Variants in GRIN2D observed in about 807,000 individuals in gnomAD.
GRIN2D encodes the protein glutamate receptor ionotropic, NMDA 2D.
Under a neutral mutation model 103.2 loss-of-function variants are expected in GRIN2D, and 37 were observed. The observed-to-expected ratio is 0.36, with a 90% confidence interval of 0.28 to 0.47. The LOEUF is 0.47. Among genes scored for constraint, GRIN2D ranks in the 20% least tolerant of loss-of-function variants. The pLI is 1.00. For missense variants in GRIN2D, 1,557 were observed against 1,910.6 expected (o/e 0.81, Z 3.45); for synonymous variants, 845 against 885.6 (o/e 0.95, Z 0.81).
Position 48,443,873 on chromosome 19 carries a change from G to A in GRIN2D, c.3947G>A (p.Arg1316Gln), listed in dbSNP as rs544435291. The change falls in exon 14 of 14, where the codon CGG (arginine) becomes CAG (glutamine). Residue 1316 changes from arginine to glutamine, a missense_variant. Around this residue, in one of 7 missense-constraint regions of GRIN2D, gnomAD observed 88 missense variants for 84.3 expected, o/e 1.04. Transcript: ENST00000263269. The surrounding 1 kb of genome is among the most constrained non-coding windows in gnomAD (Gnocchi z 8.9). ...PLPTASHRRH[R>Q]GGDLGTRRGS... ...CCCACAGCTTCCCACCGGAGACACC[G>A]GGGCGGGGACCTGGGCACCCGCAGG... is the stretch of plus-strand genomic sequence containing the variant. The A allele has an allele frequency of 4.1e-6, 6 of 1,478,728 alleles. No homozygotes were observed. Among genetic ancestry groups the A allele is most frequent in the African/African-American group, 2.9e-5 (2 of 68,142 alleles). The allele number at this position is 1,478,728 out of a possible 1,614,324, so 91.6% of individuals were successfully genotyped here. A position where few individuals can be genotyped will look rare whatever the true frequency, so the allele number is the denominator to read the frequency against.
rs1246986089 is a variant in GRIN2D, at chr19:48,414,887, C to T, written c.1436C>T (p.Pro479Leu). ...AGCCCTCCACCGGATGCCCCCCGCC[C>T]GGAAAAGCGCTGCTGCAAGGGTTTC... ...THSPPPDAPR[P>L]EKRCCKGFCI... is the part of the protein sequence containing the mutation. The change falls in exon 7 of 14, where the codon CCG becomes CTG. Residue 479 changes from proline to leucine, a missense_variant. Physicochemically the swap from Pro to Leu is moderately conservative, Grantham distance 98 (BLOSUM62 -3). Transcript: ENST00000263269. The surrounding 1 kb of genome is among the most constrained non-coding windows in gnomAD (Gnocchi z 4.6). 4 of 1,614,154 alleles carry T rather than the reference C, an allele frequency of 2.5e-6. No homozygotes were observed. The highest frequency in any genetic ancestry group is 1.7e-5 in the Admixed American group (1 of 60,008).
intron 11 of GRIN2D, among the ~76,000 whole-genome samples, chr19:48,427,412 T>TTAAG (rs759755845): frequency 2.2e-4 from 33 of 152,090 alleles, no homozygotes; most frequent in South Asian, 1.0e-3. Flanking sequence ...AGAGTTCTAC[T>TTAAG]TGTTCCATAT....
intron 11 of GRIN2D, among the ~76,000 whole-genome samples, chr19:48,441,362 C>CAAAAAAAAAAA (rs1173219939): frequency 3.1e-5 from 4 of 127,322 alleles, no homozygotes; most frequent in African/African-American, 1.3e-4. Flanking sequence ...GACTCTGTCT[C>CAAAAAAAAAAA]AAAAAAAAAA....
At chr19:48,399,025 A>G (rs1427537852) in intron 3 of GRIN2D, among the ~76,000 whole-genome samples, 168 bp downstream of exon 3, 1 of 152,104 alleles carries the variant, frequency 6.6e-6, no homozygotes, top group Non-Finnish European at 1.5e-5. Context: ...TTAGGGCTAG[A>G]TTAGAGGCGG....
chr19:48,435,871 C>T (rs184825213), intron 11 of GRIN2D, among the ~76,000 whole-genome samples: 30 of 152,320 alleles, frequency 2.0e-4, no homozygotes, highest in Admixed American at 1.4e-3. Flanking sequence ...TGAAGGGAGA[C>T]GTGCAATGCA....
At chr19:48,428,771 G>A (rs1029846317) in intron 11 of GRIN2D, among the ~76,000 whole-genome samples, 1 of 152,110 alleles carries the variant, frequency 6.6e-6, no homozygotes, top group Non-Finnish European at 1.5e-5. Context: ...AAATAAGGTC[G>A]CATTCTGAAG....
chr19:48,416,767 G>A (rs1309906344), intron 8 of GRIN2D, among the ~76,000 whole-genome samples: 1 of 146,286 alleles, frequency 6.8e-6, no homozygotes, highest in Non-Finnish European at 1.5e-5. Context: ...TTCAGACAGA[G>A]TCTCACTCTG....
rs746558969 is a variant in GRIN2D, at chr19:48,405,244, G to A, written c.976G>A (p.Val326Ile). 8.1e-6 allele frequency: 13 copies of A among 1,597,170 alleles called. No individual in the cohort carries two copies. The highest frequency in any genetic ancestry group is 2.3e-5 in the East Asian group (1 of 44,430). ...TCGGCGAGTGGCAGCTGGCGTGGCC[G>A]TAGTGGCCAGAGGTGCCCAGGCCCT... ...LARRVAAGVA[V>I]VARGAQALLR... The change falls in exon 4 of 14, where the codon GTA becomes ATA. Residue 326 changes from valine to isoleucine, a missense_variant. This residue lies in a region of GRIN2D where 490 missense variants were observed against 601.1 expected (regional missense o/e 0.82). Transcript: ENST00000263269. The surrounding 1 kb of genome is among the most constrained non-coding windows in gnomAD (Gnocchi z 5.1).
In GRIN2D at chr19:48,405,373, G is replaced by A; in HGVS notation, c.1085+20G>A. 6.5e-7 allele frequency: 1 copy of A among 1,532,852 alleles called. No individual in the cohort carries two copies. Among genetic ancestry groups the A allele is most frequent in the Admixed American group, 1.8e-5 (1 of 54,546 alleles). The allele number at this position is 1,532,852 out of a possible 1,614,324, so 95.0% of individuals were successfully genotyped here. A position where few individuals can be genotyped will look rare whatever the true frequency, so the allele number is the denominator to read the frequency against. On this transcript the variant is annotated intron_variant, in intron 4 of 13. Coordinates refer to ENST00000263269, the MANE Select transcript of GRIN2D (RefSeq NM_000836.4). The surrounding 1 kb of genome is among the most constrained non-coding windows in gnomAD (Gnocchi z 5.1). ...GCATAGGTGAGTGGGGCTGGAATGG[G>A]AGGGGTGTGGGAGGGCTCCCAGAGC...
chr19:48,441,839 C>T lies in GRIN2D; in HGVS notation c.2323C>T (p.Leu775Phe), dbSNP rs763528141. ...YMARKDEGCK[L>F]VTIGSGKVFA... ...GGCCCGCAAGGACGAGGGCTGCAAG[C>T]TTGTCACCATCGGCTCCGGCAAGGT... Residue 775 changes from leucine (L) to phenylalanine (F), a missense_variant, in exon 12 of 14, where the codon CTT (leucine) becomes TTT (phenylalanine). Leu to Phe is a conservative substitution (Grantham distance 22, BLOSUM62 0). Coordinates refer to ENST00000263269, the MANE Select transcript of GRIN2D (RefSeq NM_000836.4). 3.7e-6 allele frequency: 6 copies of T among 1,614,012 alleles called. No individual in the cohort carries two copies. The highest frequency in any genetic ancestry group is 4.2e-6 in the Non-Finnish European group (5 of 1,180,022).
chr19:48,428,735 A>G (rs1569069253), intron 11 of GRIN2D, among the ~76,000 whole-genome samples: 1 of 152,098 alleles, frequency 6.6e-6, no homozygotes, highest in Non-Finnish European at 1.5e-5. Context: ...TTTTAACTGG[A>G]TTCCCTCTGC....
intron 11 of GRIN2D, among the ~76,000 whole-genome samples, chr19:48,423,615 G>A (rs1971049642): frequency 6.6e-6 from 1 of 152,044 alleles, no homozygotes; most frequent in African/African-American, 2.4e-5. Flanking sequence ...AGTGTGCAAA[G>A]GGCCTGAGGA....
intron 2 of GRIN2D, among the ~76,000 whole-genome samples, chr19:48,397,288 CTT>C (rs974165739): frequency 2.6e-5 from 4 of 152,088 alleles, no homozygotes; most frequent in African/African-American, 7.2e-5. Flanking sequence ...TAATTTCTCT[CTT>C]TCTCTCCCCA....
In GRIN2D at chr19:48,443,713, C is replaced by T. The variant is rs1164047907; in HGVS notation, c.3787C>T (p.Pro1263Ser). 4 of 1,313,762 alleles carry T rather than the reference C, an allele frequency of 3.0e-6. No homozygotes were observed. Among genetic ancestry groups the T allele is most frequent in the Non-Finnish European group, 3.9e-6 (4 of 1,033,962 alleles). 81.4% of individuals were successfully genotyped at this position (1,313,762 alleles called of 1,614,324 possible). A position where few individuals can be genotyped will look rare whatever the true frequency, so the allele number is the denominator to read the frequency against. The change falls in exon 14 of 14, where the codon CCG becomes TCG. Residue 1263 changes from proline to serine, a missense_variant. Pro to Ser is a moderately conservative substitution (Grantham distance 74, BLOSUM62 -1). Coordinates refer to ENST00000263269, the MANE Select transcript of GRIN2D (RefSeq NM_000836.4). This position sits in a 1 kb window ranked among gnomAD's most constrained non-coding sequence, Gnocchi z 8.9. Reference sequence around the variant, plus strand: ...GCGCGCCGCTGGGGGCTGGGACCTCCCGCCGCCCGCGCCCACCTCGCGCTC... The same window carrying T: ...GCGCGCCGCTGGGGGCTGGGACCTCTCGCCGCCCGCGCCCACCTCGCGCTC... ...HRRAAGGWDL[P>S]PPAPTSRSLE...
chr19:48,415,015 A>G lies in GRIN2D; in HGVS notation c.1564A>G (p.Asn522Asp). The change falls in exon 7 of 14, where the codon AAC becomes GAC. Residue 522 changes from asparagine to aspartate, a missense_variant. This residue lies in a region of GRIN2D where 197 missense variants were observed against 334.1 expected (regional missense o/e 0.59). Transcript: ENST00000263269. ...CGGAAAGAAGATCGATGGCGTCTGG[A>G]ACGGCATGATCGGGGAGGTGAGGGG... ...KHGKKIDGVW[N>D]GMIGEVFYQR... 6.3e-7 allele frequency: 1 copy of G among 1,596,866 alleles called. No homozygotes were observed. The highest frequency in any genetic ancestry group is 8.6e-7 in the Non-Finnish European group (1 of 1,168,202).
chr19:48,404,706 G>T, intron 3 of GRIN2D, 28 bp from the exon 4 acceptor site: 1 of 1,562,324 alleles, frequency 6.4e-7, no homozygotes, highest in South Asian at 1.2e-5. Flanking sequence ...ACATCGGCAG[G>T]CCTGACATCC....
chr19:48,412,633 CA>C (rs1252838249), intron 4 of GRIN2D, among the ~76,000 whole-genome samples: 4 of 150,832 alleles, frequency 2.7e-5, no homozygotes, highest in African/African-American at 7.3e-5. Flanking sequence ...ACTAAAAATA[CA>C]AAAAATTAGC....
Position 48,398,438 on chromosome 19 carries a change from A to ATGC in GRIN2D, c.58_60dup (p.Leu20dup), listed in dbSNP as rs919633142. ...CCGCGGCCCTCGGGGCCCCGCTAAG[A>ATGC]TGCTGCTGCTGCTGGCGCTGGCCTG... On this transcript the variant is annotated inframe_insertion, in exon 3 of 14. Coordinates refer to ENST00000263269, the MANE Select transcript of GRIN2D (RefSeq NM_000836.4). 330 of 1,112,426 alleles carry ATGC rather than the reference A, an allele frequency of 3.0e-4. No individual in the cohort carries two copies. Among genetic ancestry groups the ATGC allele is most frequent in the Non-Finnish European group, 3.4e-4 (313 of 912,588 alleles). 68.9% of individuals were successfully genotyped at this position (1,112,426 alleles called of 1,614,324 possible).
rs929652688 is a variant in GRIN2D, at chr19:48,394,882, G to C, written c.-81G>C. The stretch of plus-strand genomic sequence containing the variant: ...CGGAATCTTGGGGTCGCTGGACGCC[G>C]GGTTCCGGTCCTGGCCCCCCCGCCA... On this transcript the variant is annotated 5_prime_UTR_variant, in exon 2 of 14. Coordinates refer to ENST00000263269, the MANE Select transcript of GRIN2D (RefSeq NM_000836.4). This position sits in a 1 kb window ranked among gnomAD's most constrained non-coding sequence, Gnocchi z 5.1. The C allele has an allele frequency of 1.3e-5, 2 of 153,120 alleles. No individual in the cohort carries two copies. Among genetic ancestry groups the C allele is most frequent in the African/African-American group, 4.8e-5 (2 of 41,448 alleles). 9.5% of individuals were successfully genotyped at this position (153,120 alleles called of 1,614,324 possible). A position where few individuals can be genotyped will look rare whatever the true frequency, so the allele number is the denominator to read the frequency against.
Sources: allele counts gnomAD v4.1 joint callset (sites outside exome capture counted in the v4.1 genomes callset), GRCh38; gene constraint gnomAD v4.1.1; regional missense constraint gnomAD v4.1.1; non-coding constraint Gnocchi (gnomAD v3.1); transcripts MANE v1.5; gene names NCBI Gene and HGNC (gene_info 2026-07-23, HGNC 2026-07-21).